The following RNPC3 variants were observed in gnomAD, a reference collection of about 807,000 sequenced individuals.
RNPC3 encodes the protein RNA-binding region-containing protein 3.
A neutral mutation model predicts 67.5 loss-of-function variants in RNPC3; 48 were observed. The observed-to-expected ratio is 0.71, with a 90% CI of 0.56 to 0.90. RNPC3 has a LOEUF of 0.90. RNPC3 is among the 40% of genes least tolerant of loss of function. RNPC3 has a pLI of 0.00. For missense variants in RNPC3, 637 were observed against 626.1 expected (o/e 1.02, Z -0.19); for synonymous variants, 239 against 210.3 (o/e 1.14, Z -1.18).
intron 7 of RNPC3, among the ~76,000 whole-genome samples, chr1:103,537,813 C>T (rs1271869215): frequency 6.6e-6 from 1 of 151,780 alleles, no homozygotes; most frequent in Non-Finnish European, 1.5e-5. Flanking sequence ...ACTTCAAAAT[C>T]AATAATCGAC....
At chr1:103,538,050 G>T (rs986191635) in intron 7 of RNPC3, among the ~76,000 whole-genome samples, 4 of 152,052 alleles carry the variant, frequency 2.6e-5, no homozygotes, top group Middle Eastern at 3.4e-3. Context: ...TCTCCATGTT[G>T]GTCAGGCTGG....
intron 5 of RNPC3, 94 bp downstream of exon 5, chr1:103,535,535 C>G (rs1570618565): frequency 2.8e-6 from 2 of 720,848 alleles, no homozygotes; most frequent in Non-Finnish European, 2.3e-6. Context: ...CAGACTAATT[C>G]TAGACAGCCA....
Position 103,526,139 on chromosome 1 carries a change from T to G in RNPC3, c.69T>G (p.Pro23=). The part of the protein sequence containing the change: ...GCTSSSSLSP[P]RGDRTLLVRH... ...CGAGCTCCTCCTCGCTTTCCCCGCCTCGGGGCGACCGAACCCTTCTGGTCA... is the reference window on the plus strand; with the variant it reads ...CGAGCTCCTCCTCGCTTTCCCCGCCGCGGGGCGACCGAACCCTTCTGGTCA... Residue 23 remains proline (P), a synonymous_variant, in exon 1 of 15, where the codon CCT becomes CCG. Coordinates refer to ENST00000423855, the MANE Select transcript of RNPC3 (RefSeq NM_017619.4). 6.4e-7 allele frequency: 1 copy of G among 1,551,430 alleles called. No individual in the cohort carries two copies. The highest frequency in any genetic ancestry group is 8.7e-7 in the Non-Finnish European group (1 of 1,146,842).
In RNPC3 at chr1:103,527,733, A is replaced by T. The variant is rs1464016935; in HGVS notation, c.231A>T (p.Ala77=). 6.5e-7 allele frequency: 1 copy of T among 1,547,866 alleles called. No homozygotes were observed. Among genetic ancestry groups the T allele is most frequent in the East Asian group, 2.5e-5 (1 of 40,780 alleles). Residue 77 remains alanine (A), a synonymous_variant, in exon 2 of 15, where the codon GCA becomes GCT. Transcript: ENST00000423855. ...TTGCCACATTCCCTAATGAAAAAGC[A>T]GCTATAAAGGTATGACTTTTTCTTG... The part of the protein sequence containing the change: ...TAFATFPNEK[A]AIKALTRLHQ...
At chr1:103,542,550 G>A (rs552899379) in intron 8 of RNPC3, among the ~76,000 whole-genome samples, 1 of 151,872 alleles carries the variant, frequency 6.6e-6, no homozygotes. Context: ...GCAGATTTGG[G>A]ATAAGGGTCA....
chr1:103,534,333 T>TA (rs1650933401), intron 3 of RNPC3, among the ~76,000 whole-genome samples: 1 of 152,014 alleles, frequency 6.6e-6, no homozygotes, highest in Admixed American at 6.6e-5. Flanking sequence ...AACCCAGTCT[T>TA]ACTGAATCAG....
chr1:103,538,402 G>A (rs1651045988), intron 7 of RNPC3, among the ~76,000 whole-genome samples: 1 of 152,104 alleles, frequency 6.6e-6, no homozygotes, highest in Non-Finnish European at 1.5e-5. Context: ...GCTCTTTAGT[G>A]TTCCTGAGCT....
In RNPC3 at chr1:103,543,372, C is replaced by T; in HGVS notation, c.970C>T (p.His324Tyr). ...QPVGNKRIEF[H>Y]ISTDMPAAFK... ...TGTAGGTAACAAAAGAATTGAATTCCATATATCTACCGACATGCCAGCTGC... is the reference window on the plus strand; with the variant it reads ...TGTAGGTAACAAAAGAATTGAATTCTATATATCTACCGACATGCCAGCTGC... Residue 324 changes from histidine (H) to tyrosine (Y), a missense_variant, in exon 9 of 15, where the codon CAT becomes TAT. His to Tyr is a moderately conservative substitution (Grantham distance 83). Transcript: ENST00000423855. 1 of 1,519,868 alleles carries T rather than the reference C, an allele frequency of 6.6e-7. No homozygotes were observed. The highest frequency in any genetic ancestry group is 8.8e-7 in the Non-Finnish European group (1 of 1,139,260). The allele number at this position is 1,519,868 out of a possible 1,614,324, so 94.1% of individuals were successfully genotyped here.
intron 1 of RNPC3, among the ~76,000 whole-genome samples, chr1:103,526,534 C>G (rs902108314): frequency 3.9e-5 from 6 of 152,158 alleles, no homozygotes; most frequent in Non-Finnish European, 8.8e-5. Context: ...ATTGAGTTTT[C>G]GGATCCATCC....
At chr1:103,545,177 T>C in intron 10 of RNPC3, 75 bp downstream of exon 10, 1 of 1,202,574 alleles carries the variant, frequency 8.3e-7, no homozygotes, top group Non-Finnish European at 1.1e-6. Flanking sequence ...AACAAATCTG[T>C]CATGCCATTT....
chr1:103,551,884 T>TA, intron 14 of RNPC3, 92 bp downstream of exon 14: 12 of 619,226 alleles, frequency 1.9e-5, no homozygotes, highest in Admixed American at 3.7e-5. Flanking sequence ...TTCAGGTATC[T>TA]CTTTTTTTTT....
At position 103,525,929 on chromosome 1, in the gene RNPC3, A is replaced by G. The variant is rs749407709; in HGVS notation, c.-142A>G. On this transcript the variant is annotated 5_prime_UTR_variant, in exon 1 of 15. Transcript: ENST00000423855. ...TTTCGGTGGCGCAGTTCTCGCGAGA[A>G]GGTGACTTTCTTTCTCGGTATTTCC... 5.9e-6 allele frequency: 4 copies of G among 678,642 alleles called. No homozygotes were observed. Among genetic ancestry groups the G allele is most frequent in the Non-Finnish European group, 9.7e-6 (4 of 412,786 alleles). 42.0% of individuals were successfully genotyped at this position (678,642 alleles called of 1,614,324 possible).
chr1:103,536,378 GA>G (rs1275687500), intron 6 of RNPC3, among the ~76,000 whole-genome samples, 184 bp downstream of exon 6: 2 of 152,100 alleles, frequency 1.3e-5, no homozygotes, highest in Non-Finnish European at 2.9e-5. Context: ...GAATATGAAA[GA>G]AATGCTTTTG....
At chr1:103,550,037 G>A (rs868856755) in intron 12 of RNPC3, among the ~76,000 whole-genome samples, 8 of 151,724 alleles carry the variant, frequency 5.3e-5, no homozygotes, top group African/African-American at 1.2e-4. Flanking sequence ...GGCGGTAGAC[G>A]GCTGTAATCC....
chr1:103,545,145 A>G (rs1469568063), intron 10 of RNPC3, 43 bp downstream of exon 10: 1 of 1,460,762 alleles, frequency 6.8e-7, no homozygotes, highest in African/African-American at 1.4e-5. Flanking sequence ...CATTTTACAT[A>G]TCTTTGACTC....
intron 2 of RNPC3, among the ~76,000 whole-genome samples, chr1:103,527,953 A>C (rs1650758030): frequency 6.6e-6 from 1 of 152,270 alleles, no homozygotes; most frequent in African/African-American, 2.4e-5. Flanking sequence ...TATGTAATTA[A>C]AATAACAATT....
At position 103,533,087 on chromosome 1, in the gene RNPC3, C is replaced by T. The variant is rs144919253; in HGVS notation, c.241-652C>T. Among the ~76,000 whole-genome samples the T allele has an allele frequency of 2.0e-3, 309 of 151,994 alleles. 1 individual carries two copies. Among genetic ancestry groups the T allele is most frequent in the South Asian group, 3.5e-3 (17 of 4,820 alleles). On this transcript the variant is annotated intron_variant, in intron 2 of 14. Coordinates refer to ENST00000423855, the MANE Select transcript of RNPC3 (RefSeq NM_017619.4). Reference sequence around the variant, plus strand: ...CACCACACACAATTCCAGAGCATAGCTAAGTAAAGACCCTTGAGGAGATGA... The same window carrying T: ...CACCACACACAATTCCAGAGCATAGTTAAGTAAAGACCCTTGAGGAGATGA...
intron 2 of RNPC3, among the ~76,000 whole-genome samples, chr1:103,531,922 G>T (rs976729868): frequency 6.6e-6 from 1 of 152,020 alleles, no homozygotes; most frequent in African/African-American, 2.4e-5. Flanking sequence ...GTCTAGAAGG[G>T]TTTTTCTGAT....
chr1:103,551,274 G>T (rs913633921), intron 13 of RNPC3: 1 of 509,712 alleles, frequency 2.0e-6, no homozygotes, highest in Non-Finnish European at 3.4e-6. Context: ...GCAGCATGAG[G>T]TTGTTCAATT....
Sources: gnomAD v4.1 joint callset for allele counts (sites outside exome capture counted in the v4.1 genomes callset) on GRCh38, gnomAD v4.1.1 for gene constraint, MANE v1.5 for transcripts, NCBI Gene and HGNC (gene_info 2026-07-23, HGNC 2026-07-21) for gene names.